The following SAMMSON variants were observed in gnomAD, a reference collection of about 807,000 sequenced individuals.
The protein encoded by SAMMSON is survival associated mitochondrial melanoma specific oncogenic non-coding RNA.
At chr3:70,290,091 C>G (rs199980594) in intron 6 of SAMMSON, among the ~76,000 whole-genome samples, 3 of 152,124 alleles carry the variant, frequency 2.0e-5, no homozygotes, top group Non-Finnish European at 4.4e-5. Context: ...AGCTTTGTTC[C>G]GTTGCTGGTG....
chr3:70,387,220 G>A (rs1703129571), intron 9 of SAMMSON, among the ~76,000 whole-genome samples: 1 of 151,988 alleles, frequency 6.6e-6, no homozygotes, highest in African/African-American at 2.4e-5. Context: ...CAGTGTAGAA[G>A]GTTGATATAA....
intron 7 of SAMMSON, among the ~76,000 whole-genome samples, chr3:70,313,369 G>A (rs894771714): frequency 2.0e-5 from 3 of 151,754 alleles, no homozygotes; most frequent in Non-Finnish European, 2.9e-5. Context: ...TCCTAGCTAT[G>A]TGAGAGGTTA....
Position 70,277,817 on chromosome 3 carries a change from G to C in SAMMSON, n.675-13362G>C, listed in dbSNP as rs1702041976. Among the ~76,000 whole-genome samples the C allele has an allele frequency of 2.0e-5, 3 of 152,182 alleles. No individual in the cohort carries two copies. The South Asian group carries it at 6.2e-4, about 32-fold the overall frequency. The stretch of plus-strand genomic sequence containing the variant: ...CCCATTTTTTATACAAATGGTTGTT[G>C]AGATCTATGTGCCAGGTACAGGAGA... On this transcript the variant is annotated intron_variant and non_coding_transcript_variant, in intron 6 of 9. Coordinates refer to ENST00000642114, the Ensembl canonical transcript of SAMMSON.
chr3:70,213,548 AG>A (rs1701370609), intron 4 of SAMMSON, among the ~76,000 whole-genome samples: 1 of 152,162 alleles, frequency 6.6e-6, no homozygotes, highest in Non-Finnish European at 1.5e-5. Context: ...AGACCAAGGC[AG>A]ACAAGTGACA....
chr3:70,194,602 C>T (rs192397212), intron 4 of SAMMSON, among the ~76,000 whole-genome samples: 1 of 152,266 alleles, frequency 6.6e-6, no homozygotes, highest in African/African-American at 2.4e-5. Flanking sequence ...GTTAACAAAC[C>T]GTGGAAAGCA....
In SAMMSON at chr3:70,196,179, T is replaced by C. The variant is rs941811996; in HGVS notation, n.508-52928T>C. On this transcript the variant is annotated intron_variant and non_coding_transcript_variant, in intron 4 of 9. Transcript: ENST00000642114. ...GAAACTTGCACATAATTCTCATTTATGCTTATTAGAATAACTAAGAGCCTT... is the reference window on the plus strand; with the variant it reads ...GAAACTTGCACATAATTCTCATTTACGCTTATTAGAATAACTAAGAGCCTT... Among the ~76,000 whole-genome samples, 3 of 152,350 alleles carry C rather than the reference T, an allele frequency of 2.0e-5. No homozygotes were observed. In the South Asian group the frequency reaches 6.2e-4, roughly 32 times the overall value.
chr3:70,268,046 TC>T (rs1319256349), intron 6 of SAMMSON, among the ~76,000 whole-genome samples: 41 of 146,956 alleles, frequency 2.8e-4, no homozygotes, highest in Non-Finnish European at 4.9e-4. Context: ...CTCCTCCTCC[TC>T]CTCCTTCTTC....
intron 9 of SAMMSON, among the ~76,000 whole-genome samples, chr3:70,389,044 G>A (rs35150794): frequency 0.1 from 15,184 of 152,020 alleles, 878 homozygotes; most frequent in East Asian, 0.27. Flanking sequence ...GGCTTCCTCA[G>A]TTTCTCTCTT....
downstream of SAMMSON, among the ~76,000 whole-genome samples, chr3:70,391,015 T>C (rs1229950182): frequency 6.6e-6 from 1 of 152,146 alleles, no homozygotes; most frequent in Admixed American, 6.6e-5. Flanking sequence ...TTATGAAAAA[T>C]ATGTTACCAC....
At chr3:70,077,860 G>A (rs1304141654) in intron 4 of SAMMSON, among the ~76,000 whole-genome samples, 2 of 152,082 alleles carry the variant, frequency 1.3e-5, no homozygotes, top group Non-Finnish European at 2.9e-5. Flanking sequence ...AATGACCCAC[G>A]GAAGAAATTC....
intron 4 of SAMMSON, among the ~76,000 whole-genome samples, chr3:70,237,664 A>G (rs1239262230): frequency 2.0e-5 from 3 of 152,230 alleles, no homozygotes; most frequent in Admixed American, 6.5e-5. Flanking sequence ...AAATAGGGAA[A>G]AGATTGTTAA....
chr3:70,274,088 T>TGC (rs1559551096), intron 6 of SAMMSON, among the ~76,000 whole-genome samples: 1 of 146,302 alleles, frequency 6.8e-6, no homozygotes, highest in East Asian at 2.0e-4. Flanking sequence ...TGTGTGTGTG[T>TGC]GTGCGCGCGC....
At chr3:70,084,033 C>G (rs755440489) in intron 4 of SAMMSON, among the ~76,000 whole-genome samples, 3 of 152,134 alleles carry the variant, frequency 2.0e-5, no homozygotes, top group Non-Finnish European at 4.4e-5. Flanking sequence ...AACCAGAGAC[C>G]TTGAGATTTA....
At chr3:70,261,486 A>C (rs1701866645) in intron 6 of SAMMSON, among the ~76,000 whole-genome samples, 1 of 152,106 alleles carries the variant, frequency 6.6e-6, no homozygotes, top group African/African-American at 2.4e-5. Flanking sequence ...TCCTTGATTC[A>C]TTCTCTATAT....
intron 9 of SAMMSON, among the ~76,000 whole-genome samples, chr3:70,365,185 C>T (rs564456647): frequency 1.2e-4 from 18 of 151,704 alleles, no homozygotes; most frequent in African/African-American, 4.3e-4. Flanking sequence ...ATGCTCCATG[C>T]TTTTCTTAAT....
In SAMMSON at chr3:70,244,997, C is replaced by T. The variant is rs116522710; in HGVS notation, n.508-4110C>T. ...TTATCTGGTGCTATTAGACATAAAG[C>T]CAGTGAGCCCTGGTCCCAGAACTGC... On this transcript the variant is annotated intron_variant and non_coding_transcript_variant, in intron 4 of 9. Transcript: ENST00000642114. Among the ~76,000 whole-genome samples the T allele has an allele frequency of 8.5e-3, 1,288 of 152,146 alleles. 21 individuals are homozygous for T. The highest frequency in any genetic ancestry group is 0.029 in the African/African-American group (1,213 of 41,520).
chr3:70,368,484 G>A (rs1435639020), intron 9 of SAMMSON, among the ~76,000 whole-genome samples: 4 of 151,562 alleles, frequency 2.6e-5, no homozygotes, highest in African/African-American at 4.8e-5. Flanking sequence ...ATTTTCTATA[G>A]CTTTCAAATT....
intron 4 of SAMMSON, among the ~76,000 whole-genome samples, chr3:70,144,285 T>A (rs73838068): frequency 2.0e-5 from 3 of 152,234 alleles, no homozygotes; most frequent in African/African-American, 7.2e-5. Flanking sequence ...AACTTTATAA[T>A]GAGTATGCTG....
intron 4 of SAMMSON, among the ~76,000 whole-genome samples, chr3:70,222,720 A>T (rs1701472239): frequency 1.3e-5 from 2 of 152,210 alleles, no homozygotes; most frequent in South Asian, 4.1e-4. Flanking sequence ...CTTTGTACAA[A>T]GTTGTCTCTT....
Sources: gnomAD v4.1 joint callset for allele counts (sites outside exome capture counted in the v4.1 genomes callset) on GRCh38, gnomAD v4.1.1 for gene constraint, MANE v1.5 for transcripts, NCBI Gene and HGNC (gene_info 2026-07-23, HGNC 2026-07-21) for gene names.